Variants in RLF observed in about 807,000 individuals in gnomAD.
The protein encoded by RLF is zinc finger protein Rlf.
RLF carries 7 observed loss-of-function variants against 162.9 expected under a neutral mutation model. The ratio of observed to expected loss-of-function variants is 0.04; its 90% CI spans 0.02 to 0.08. RLF has a LOEUF of 0.08. Ranked by LOEUF, RLF falls within the 10% of genes least tolerant of loss-of-function variation. The pLI, the probability that RLF is intolerant of heterozygous loss-of-function variation, is 1.00. For missense variants in RLF, 1,664 were observed against 2,244.7 expected, an observed-to-expected ratio of 0.74 and a Z score of 5.23; for synonymous variants, 782 against 791.5, an observed-to-expected ratio of 0.99 and a Z score of 0.20.
chr1:40,193,227 G>A (rs1261387497), intron 3 of RLF, among the ~76,000 whole-genome samples: 1 of 151,296 alleles, frequency 6.6e-6, no homozygotes, highest in Non-Finnish European at 1.5e-5. Flanking sequence ...GAAACAAATT[G>A]AAGTTTTAAA....
In RLF at chr1:40,200,115, A is replaced by C. The variant is rs138199599; in HGVS notation, c.608-2297A>C. Among the ~76,000 whole-genome samples, 3 of 152,272 alleles carry C rather than the reference A, an allele frequency of 2.0e-5. No homozygotes were observed. The East Asian group carries it at 5.8e-4, about 29-fold the overall frequency. On this transcript the variant is annotated intron_variant, in intron 4 of 7. Coordinates refer to ENST00000372771, the MANE Select transcript of RLF (RefSeq NM_012421.4). ...CTTTTTGACCTTGACTACATATTAG[A>C]GTATCTATGGAATTTAAAACCAAAA...
intron 1 of RLF, among the ~76,000 whole-genome samples, chr1:40,163,594 A>C (rs537164632): frequency 6.6e-6 from 1 of 152,192 alleles, no homozygotes. Flanking sequence ...TGTCTTTTCT[A>C]TGAAGTTTTT....
chr1:40,172,261 C>G (rs1292129086), intron 1 of RLF, among the ~76,000 whole-genome samples: 2 of 152,190 alleles, frequency 1.3e-5, no homozygotes, highest in Non-Finnish European at 2.9e-5. Flanking sequence ...CCAGTCACTT[C>G]CCAGAGGAAA....
At chr1:40,164,836 T>G (rs1460135979) in intron 1 of RLF, among the ~76,000 whole-genome samples, 2 of 152,322 alleles carry the variant, frequency 1.3e-5, no homozygotes, top group East Asian at 3.8e-4. Flanking sequence ...CACGTTTATA[T>G]GAGACACTTT....
At chr1:40,230,758 A>T (rs1361112799) in intron 6 of RLF, among the ~76,000 whole-genome samples, 1 of 152,082 alleles carries the variant, frequency 6.6e-6, no homozygotes, top group Non-Finnish European at 1.5e-5. Context: ...TTGCTATTAG[A>T]AGTGATAACA....
intron 1 of RLF, among the ~76,000 whole-genome samples, chr1:40,182,757 A>AGGTAGG (rs1557741324): frequency 6.9e-5 from 2 of 28,864 alleles, no homozygotes; most frequent in African/African-American, 2.0e-4. Context: ...AGATAGGTAG[A>AGGTAGG]TAGATAGATA....
intron 2 of RLF, 105 bp downstream of exon 2, chr1:40,189,314 T>C (rs758168300): frequency 6.9e-6 from 6 of 866,362 alleles, no homozygotes; most frequent in Non-Finnish European, 7.0e-6. Flanking sequence ...CAGAGCACCA[T>C]TAGAGTCATA....
chr1:40,228,567 C>T (rs536257690), intron 6 of RLF, among the ~76,000 whole-genome samples: 21 of 149,178 alleles, frequency 1.4e-4, no homozygotes, highest in African/African-American at 2.5e-4. Flanking sequence ...TGGGCGACAG[C>T]GTGGACTCCA....
At chr1:40,171,745 G>A (rs1363699523) in intron 1 of RLF, among the ~76,000 whole-genome samples, 2 of 152,078 alleles carry the variant, frequency 1.3e-5, no homozygotes, top group South Asian at 4.1e-4. Flanking sequence ...TATAGAATGT[G>A]TGTTTATATA....
intron 1 of RLF, among the ~76,000 whole-genome samples, chr1:40,177,267 G>T (rs1384200792): frequency 6.6e-5 from 10 of 151,978 alleles, no homozygotes; most frequent in Non-Finnish European, 2.9e-5. Flanking sequence ...ACCACAACCG[G>T]CCTTAACAGT....
chr1:40,172,365 C>T (rs1642257405), intron 1 of RLF, among the ~76,000 whole-genome samples: 1 of 152,160 alleles, frequency 6.6e-6, no homozygotes, highest in African/African-American at 2.4e-5. Flanking sequence ...TTTATGAGTA[C>T]ATTTGGAGCA....
At position 40,185,828 on chromosome 1, in the gene RLF, AAAAAAAAAAAAAAGC is replaced by A. The variant is rs1294323785; in HGVS notation, c.238-3213_238-3199del. On this transcript the variant is annotated intron_variant, in intron 1 of 7. Coordinates refer to ENST00000372771, the MANE Select transcript of RLF (RefSeq NM_012421.4). ...GGGCTGACAGAGTGAGACTGTCTCA[AAAAAAAAAAAAAAGC>A]AAAAAAAAAAAAAAAAAAAAAACCA... is the stretch of plus-strand genomic sequence containing the variant. Among the ~76,000 whole-genome samples the A allele has an allele frequency of 3.3e-4, 36 of 109,188 alleles. 1 individual carries two copies. The highest frequency in any genetic ancestry group is 1.1e-3 in the African/African-American group (24 of 22,348). The allele number at this position is 109,188 out of a possible 152,430, so 71.6% of individuals were successfully genotyped here.
At chr1:40,186,092 A>G (rs1482185359) in intron 1 of RLF, among the ~76,000 whole-genome samples, 1 of 152,066 alleles carries the variant, frequency 6.6e-6, no homozygotes, top group Non-Finnish European at 1.5e-5. Flanking sequence ...TGGGAGGTGA[A>G]GGTTGCAGTG....
chr1:40,167,206 G>C (rs1642179800), intron 1 of RLF, among the ~76,000 whole-genome samples: 1 of 152,142 alleles, frequency 6.6e-6, no homozygotes, highest in African/African-American at 2.4e-5. Context: ...CAATAGTTTG[G>C]AGATGCCAAG....
intron 6 of RLF, among the ~76,000 whole-genome samples, chr1:40,228,581 C>CAAA: frequency 7.4e-6 from 1 of 135,586 alleles, no homozygotes; most frequent in South Asian, 2.3e-4. Context: ...GACTCCATCT[C>CAAA]AAAAAAAAAA....
At chr1:40,218,304 C>T (rs772961669) in intron 5 of RLF, among the ~76,000 whole-genome samples, 1 of 152,184 alleles carries the variant, frequency 6.6e-6, no homozygotes, top group Non-Finnish European at 1.5e-5. Context: ...GGGCAAAAGC[C>T]TCATTGGGGC....
intron 1 of RLF, among the ~76,000 whole-genome samples, chr1:40,173,264 T>G (rs1351711751): frequency 6.6e-6 from 1 of 151,602 alleles, no homozygotes; most frequent in Non-Finnish European, 1.5e-5. Context: ...TTAGTAGAGA[T>G]AGGGTTTCTT....
At chr1:40,212,239 A>G (rs940640122) in intron 5 of RLF, among the ~76,000 whole-genome samples, 9 of 152,218 alleles carry the variant, frequency 5.9e-5, no homozygotes, top group African/African-American at 2.2e-4. Context: ...TTAGCCAGAC[A>G]CATACAATTA....
At chr1:40,195,498 G>C in intron 3 of RLF, 134 bp from the exon 4 acceptor site, 1 of 646,058 alleles carries the variant, frequency 1.5e-6, no homozygotes, top group Admixed American at 3.4e-5. Flanking sequence ...TTTGAGTATA[G>C]TCTTTTTTGG....
Sources: gnomAD v4.1 joint callset for allele counts (sites outside exome capture counted in the v4.1 genomes callset) on GRCh38, gnomAD v4.1.1 for gene constraint, MANE v1.5 for transcripts, NCBI Gene and HGNC (gene_info 2026-07-23, HGNC 2026-07-21) for gene names.